The following LRRTM4 variants were observed in gnomAD, a reference collection of about 807,000 sequenced individuals.
LRRTM4 encodes leucine rich repeat transmembrane neuronal 4.
LRRTM4 carries 25 observed loss-of-function variants against 47.6 expected under a neutral mutation model. The ratio of observed to expected loss-of-function variants is 0.53; its 90% confidence interval spans 0.38 to 0.73. The LOEUF (loss-of-function observed/expected upper bound fraction) is 0.73. Among genes scored for constraint, LRRTM4 ranks in the 30% least tolerant of loss-of-function variants. The probability of loss-of-function intolerance (pLI) is 0.00; values close to 1 mark genes in which losing one functional copy is unlikely to be tolerated. For synonymous variants in LRRTM4, 311 were observed against 269.5 expected (o/e 1.15, Z -1.51); for missense variants, 638 against 713.4 (o/e 0.89, Z 1.20).
At chr2:77,310,637 T>C (rs937017350) in intron 3 of LRRTM4, among the ~76,000 whole-genome samples, 2 of 152,166 alleles carry the variant, frequency 1.3e-5, no homozygotes, top group Non-Finnish European at 2.9e-5. Context: ...TCTGTGCTCC[T>C]TCAATCGAAC....
chr2:77,063,171 G>A, intron 3 of LRRTM4, among the ~76,000 whole-genome samples: 1 of 151,900 alleles, frequency 6.6e-6, no homozygotes, highest in East Asian at 1.9e-4. Flanking sequence ...TATTGGCCAG[G>A]CTGGTCTCGA....
At chr2:77,435,092 G>A (rs1675537860) in intron 3 of LRRTM4, among the ~76,000 whole-genome samples, 1 of 151,956 alleles carries the variant, frequency 6.6e-6, no homozygotes, top group Non-Finnish European at 1.5e-5. Flanking sequence ...CTAGATGCCA[G>A]TAGAACTCCC....
chr2:77,019,971 TG>T (rs1274183525), intron 3 of LRRTM4, among the ~76,000 whole-genome samples: 3 of 151,928 alleles, frequency 2.0e-5, no homozygotes, highest in African/African-American at 7.3e-5. Flanking sequence ...CTGAAAAAAA[TG>T]GTGACCTGTG....
At chr2:76,836,133 C>T (rs1671505213) in intron 3 of LRRTM4, among the ~76,000 whole-genome samples, 1 of 145,026 alleles carries the variant, frequency 6.9e-6, no homozygotes. Context: ...GACAGTTTTC[C>T]AGTCTCAAGA....
chr2:77,205,858 C>CA (rs796406947), intron 3 of LRRTM4, among the ~76,000 whole-genome samples: 35 of 152,190 alleles, frequency 2.3e-4, no homozygotes, highest in African/African-American at 7.9e-4. Context: ...GTTTTAGAGA[C>CA]AAGGTCTCAC....
intron 3 of LRRTM4, among the ~76,000 whole-genome samples, chr2:76,941,795 T>C (rs1311130219): frequency 6.6e-6 from 1 of 152,140 alleles, no homozygotes. Context: ...GTCTTTAGAG[T>C]AGAATGATTT....
At chr2:77,060,690 T>A (rs1248353682) in intron 3 of LRRTM4, among the ~76,000 whole-genome samples, 1 of 152,156 alleles carries the variant, frequency 6.6e-6, no homozygotes, top group East Asian at 1.9e-4. Context: ...ATCTGGAGTT[T>A]ATGATTAAAA....
At chr2:77,135,299 T>C (rs1209675369) in intron 3 of LRRTM4, among the ~76,000 whole-genome samples, 1 of 152,194 alleles carries the variant, frequency 6.6e-6, no homozygotes, top group Non-Finnish European at 1.5e-5. Context: ...GCTGAGGAAC[T>C]CCTCCACTGA....
At chr2:76,963,344 C>A (rs2103918362) in intron 3 of LRRTM4, among the ~76,000 whole-genome samples, 1 of 150,844 alleles carries the variant, frequency 6.6e-6, no homozygotes, top group Non-Finnish European at 1.5e-5. Context: ...TATTAGTTAT[C>A]ATTGCTCTGG....
At chr2:76,754,783 G>A (rs1196940529) in intron 3 of LRRTM4, among the ~76,000 whole-genome samples, 1 of 152,104 alleles carries the variant, frequency 6.6e-6, no homozygotes, top group East Asian at 1.9e-4. Flanking sequence ...TGAGTTCCAG[G>A]AGCCTAACCT....
chr2:76,772,215 A>G (rs1673742334), intron 3 of LRRTM4, among the ~76,000 whole-genome samples: 1 of 152,150 alleles, frequency 6.6e-6, no homozygotes, highest in African/African-American at 2.4e-5. Context: ...CACCAAATGC[A>G]GACACATTGA....
At chr2:77,459,095 A>G (rs938648692) in intron 3 of LRRTM4, among the ~76,000 whole-genome samples, 1 of 152,130 alleles carries the variant, frequency 6.6e-6, no homozygotes. Context: ...AAAAGTTCAG[A>G]CATTCATTTT....
At chr2:76,833,784 A>G (rs1036615182) in intron 3 of LRRTM4, among the ~76,000 whole-genome samples, 1 of 151,710 alleles carries the variant, frequency 6.6e-6, no homozygotes, top group Non-Finnish European at 1.5e-5. Flanking sequence ...AAAACTTAAA[A>G]TATTTTTTCT....
chr2:77,113,351 A>C (rs1440814106), intron 3 of LRRTM4, among the ~76,000 whole-genome samples: 1 of 152,166 alleles, frequency 6.6e-6, no homozygotes, highest in Non-Finnish European at 1.5e-5. Flanking sequence ...CACAAGGAGA[A>C]GTAGGACCAT....
intron 3 of LRRTM4, among the ~76,000 whole-genome samples, chr2:76,963,293 T>C (rs1675921534): frequency 6.6e-6 from 1 of 150,900 alleles, no homozygotes; most frequent in African/African-American, 2.4e-5. Flanking sequence ...CTAAATACTG[T>C]ATTCTTAAGT....
intron 3 of LRRTM4, among the ~76,000 whole-genome samples, chr2:77,135,473 C>A (rs1391784129): frequency 6.6e-6 from 1 of 152,250 alleles, no homozygotes; most frequent in East Asian, 1.9e-4. Context: ...TCCTAAACTT[C>A]CCAGCAATGT....
chr2:76,989,074 T>C (rs1393828888), intron 3 of LRRTM4, among the ~76,000 whole-genome samples: 1 of 151,898 alleles, frequency 6.6e-6, no homozygotes. Context: ...GCTTCTCAAA[T>C]AGTTATTTTA....
chr2:76,969,807 A>G (rs1277549891), intron 3 of LRRTM4, among the ~76,000 whole-genome samples: 1 of 151,984 alleles, frequency 6.6e-6, no homozygotes, highest in Non-Finnish European at 1.5e-5. Context: ...CTCACAACCA[A>G]CACAAGAGTT....
rs58615415 is a variant in LRRTM4 at position 76,913,543 on chromosome 2, AT to A, written c.1552-164628del. On this transcript the variant is annotated intron_variant, in intron 3 of 3. Transcript: ENST00000409884. ...CCAAATATTTAGAGATCCTATTTCA[AT>A]TTTTTTTTTTTTTGAGACAGAGTCT... Among the ~76,000 whole-genome samples, 137 of 121,376 alleles carry A rather than the reference AT, an allele frequency of 1.1e-3. 3 individuals are homozygous for A. Among genetic ancestry groups the A allele is most frequent in the Admixed American group, 2.4e-3 (25 of 10,400 alleles). 79.6% of individuals were successfully genotyped at this position (121,376 alleles called of 152,430 possible). A position where few individuals can be genotyped will look rare whatever the true frequency, so the allele number is the denominator to read the frequency against.
Sources: gnomAD v4.1 joint callset for allele counts (sites outside exome capture counted in the v4.1 genomes callset) on GRCh38, gnomAD v4.1.1 for gene constraint, MANE v1.5 for transcripts, NCBI Gene and HGNC (gene_info 2026-07-23, HGNC 2026-07-21) for gene names.